Variants in NCAM1 observed in about 807,000 individuals in gnomAD.
The protein encoded by NCAM1 is antigen recognized by monoclonal antibody 5.1H11.
Under a neutral mutation model 109.8 loss-of-function variants are expected in NCAM1, and 14 were observed. That is an observed-to-expected ratio of 0.13 (90% CI 0.08 to 0.20). NCAM1 has a LOEUF of 0.20. NCAM1 is among the 10% of genes least tolerant of loss of function. The pLI is 1.00. For synonymous variants in NCAM1, 418 were observed against 442.9 expected, an observed-to-expected ratio of 0.94 and a Z score of 0.70; for missense variants, 774 against 1,109.9, an observed-to-expected ratio of 0.70 and a Z score of 4.30.
Position 113,260,176 on chromosome 11 carries a change from C to A in NCAM1, c.1984C>A (p.Leu662Ile). The change falls in exon 17 of 20, where the codon CTC (leucine) becomes ATC (isoleucine). Residue 662 changes from leucine (L) to isoleucine (I), a missense_variant. Leu to Ile is a conservative substitution (Grantham distance 5). Coordinates refer to ENST00000316851, the MANE Select transcript of NCAM1 (RefSeq NM_181351.5). ...CTCCGAGTGGAAACCAGAGATCAGGCTCCCGTCTGGCAGTGACCACGTCAT... is the reference window on the plus strand; with the variant it reads ...CTCCGAGTGGAAACCAGAGATCAGGATCCCGTCTGGCAGTGACCACGTCAT... ...LSSEWKPEIR[L>I]PSGSDHVMLK... The A allele has an allele frequency of 1.9e-6, 3 of 1,613,564 alleles. No individual in the cohort carries two copies. Among genetic ancestry groups the A allele is most frequent in the Non-Finnish European group, 2.5e-6 (3 of 1,179,770 alleles).
chr11:113,033,671 A>T (rs1187900649), intron 1 of NCAM1, among the ~76,000 whole-genome samples: 1 of 152,140 alleles, frequency 6.6e-6, no homozygotes, highest in Non-Finnish European at 1.5e-5. Context: ...TTAAAGGGAT[A>T]TGTTTTCCAG....
intron 1 of NCAM1, among the ~76,000 whole-genome samples, chr11:113,079,666 T>C (rs1555086814): frequency 6.6e-6 from 1 of 152,180 alleles, no homozygotes; most frequent in Non-Finnish European, 1.5e-5. Flanking sequence ...ATAAATCCAT[T>C]ATAGTTTTTA....
intron 16 of NCAM1, among the ~76,000 whole-genome samples, chr11:113,257,011 C>A (rs1945850777): frequency 6.6e-6 from 1 of 152,224 alleles, no homozygotes; most frequent in Non-Finnish European, 1.5e-5. Context: ...TCTGGCAAGT[C>A]AGTTCAGCAC....
chr11:113,043,958 C>G (rs12224032), intron 1 of NCAM1, among the ~76,000 whole-genome samples: 29,510 of 141,158 alleles, frequency 0.21, 3,144 homozygotes, highest in East Asian at 0.49. Flanking sequence ...TTTTTTTTTT[C>G]GATTACACAG....
Position 113,179,912 on chromosome 11 carries a change from A to G in NCAM1, c.53-22467A>G, listed in dbSNP as rs7119118. Among the ~76,000 whole-genome samples the G allele has an allele frequency of 2.1e-4, 32 of 152,338 alleles. No individual in the cohort carries two copies. The East Asian group carries it at 5.2e-3, about 25-fold the overall frequency. ...CAGTGGATGGGGAAGGATTCAACTCATTAATATTCTAGAGTCAAAGAATAT... is the reference window on the plus strand; with the variant it reads ...CAGTGGATGGGGAAGGATTCAACTCGTTAATATTCTAGAGTCAAAGAATAT... On this transcript the variant is annotated intron_variant, in intron 1 of 19. Coordinates refer to ENST00000316851, the MANE Select transcript of NCAM1 (RefSeq NM_181351.5).
chr11:113,100,387 G>C lies in NCAM1; in HGVS notation c.53-101992G>C, dbSNP rs1048912047. Reference sequence around the variant, plus strand: ...GCAGTTGCTGTCTGTGGATGGCTAAGTGTTAACCAGCTCAGTAGAGGGTCA... The same window carrying C: ...GCAGTTGCTGTCTGTGGATGGCTAACTGTTAACCAGCTCAGTAGAGGGTCA... On this transcript the variant is annotated intron_variant, in intron 1 of 19. Coordinates refer to ENST00000316851, the MANE Select transcript of NCAM1 (RefSeq NM_181351.5). Among the ~76,000 whole-genome samples the C allele has an allele frequency of 3.9e-5, 6 of 152,164 alleles. No individual in the cohort carries two copies. The South Asian group carries it at 6.2e-4, about 16-fold the overall frequency.
chr11:113,129,276 A>G (rs1591351917), intron 1 of NCAM1, among the ~76,000 whole-genome samples: 1 of 152,296 alleles, frequency 6.6e-6, no homozygotes, highest in East Asian at 1.9e-4. Flanking sequence ...ATCTCTCATT[A>G]GCTTGGTATC....
chr11:112,998,801 A>G (rs1951666976), intron 1 of NCAM1, among the ~76,000 whole-genome samples: 1 of 152,090 alleles, frequency 6.6e-6, no homozygotes, highest in African/African-American at 2.4e-5. Flanking sequence ...TCTCTTTTTT[A>G]CTTTCTCATC....
chr11:113,131,668 C>T (rs1451705292), intron 1 of NCAM1, among the ~76,000 whole-genome samples: 1 of 152,220 alleles, frequency 6.6e-6, no homozygotes, highest in Non-Finnish European at 1.5e-5. Context: ...GTGCTCCACA[C>T]AGTCATTCAG....
chr11:112,977,199 G>T (rs1466113722), intron 1 of NCAM1, among the ~76,000 whole-genome samples: 1 of 151,654 alleles, frequency 6.6e-6, no homozygotes, highest in East Asian at 1.9e-4. Context: ...GTTCTACAAA[G>T]ATATTATTTT....
intron 1 of NCAM1, among the ~76,000 whole-genome samples, chr11:112,979,941 A>T (rs938253545): frequency 1.3e-5 from 2 of 151,806 alleles, no homozygotes; most frequent in African/African-American, 2.4e-5. Context: ...TTAAATTCAG[A>T]AAACACACTT....
At position 113,242,769 on chromosome 11, in the gene NCAM1, C is replaced by G. The variant is rs140848687; in HGVS notation, c.1826-3599C>G. 7 of 1,589,702 alleles carry G rather than the reference C, an allele frequency of 4.4e-6. No individual in the cohort carries two copies. The African/African-American group carries it at 9.4e-5, about 21-fold the overall frequency. On this transcript the variant is annotated intron_variant, in intron 14 of 19. Transcript: ENST00000316851. The stretch of plus-strand genomic sequence containing the variant: ...AATTTATCTCCATTCTCTCCTTCAC[C>G]TTTCTTTGCCTTTTCTGTCTGTCGT...
rs944758548 is a variant in NCAM1, at chr11:113,082,616, T to C, written c.53-119763T>C. On this transcript the variant is annotated intron_variant, in intron 1 of 19. Coordinates refer to ENST00000316851, the MANE Select transcript of NCAM1 (RefSeq NM_181351.5). The stretch of plus-strand genomic sequence containing the variant: ...AGGAGTAGTTTTATATACAGCAGTT[T>C]TAATAAGCAATTCAATGAAACCTTT... Among the ~76,000 whole-genome samples, 82 of 152,350 alleles carry C rather than the reference T, an allele frequency of 5.4e-4. 1 individual carries two copies. The highest frequency in any genetic ancestry group is 5.8e-4 in the East Asian group (3 of 5,186).
chr11:113,118,453 G>A (rs1252217718), intron 1 of NCAM1, among the ~76,000 whole-genome samples: 1 of 151,960 alleles, frequency 6.6e-6, no homozygotes, highest in Non-Finnish European at 1.5e-5. Flanking sequence ...AGTTTCTGTG[G>A]CCTAAAAGCA....
intron 1 of NCAM1, among the ~76,000 whole-genome samples, chr11:113,032,380 G>A (rs1375078911): frequency 6.6e-6 from 1 of 152,094 alleles, no homozygotes; most frequent in Non-Finnish European, 1.5e-5. Flanking sequence ...ACTGCAGCAA[G>A]CCCTGCTCCA....
chr11:113,045,052 C>G (rs532540523), intron 1 of NCAM1, among the ~76,000 whole-genome samples: 19 of 152,324 alleles, frequency 1.2e-4, no homozygotes, highest in East Asian at 5.8e-4. Context: ...CTGCGCCCGG[C>G]CCTTCGCTTT....
chr11:112,968,634 A>G (rs1378343743), intron 1 of NCAM1, among the ~76,000 whole-genome samples: 1 of 152,192 alleles, frequency 6.6e-6, no homozygotes, highest in Non-Finnish European at 1.5e-5. Context: ...TTTCCAGTCT[A>G]GTAGTACAGA....
chr11:113,005,034 T>C (rs1555073086), intron 1 of NCAM1, among the ~76,000 whole-genome samples: 3 of 152,274 alleles, frequency 2.0e-5, no homozygotes, highest in Non-Finnish European at 4.4e-5. Context: ...AAGAGCTCTT[T>C]CTTGATGTTC....
rs1413798504 is a variant in NCAM1 at position 113,233,030 on chromosome 11, C to T, written c.1523-117C>T. ...TGAGATGGGCCAGGAGGACAGGATA[C>T]AGTGACAGGATTCCCAAGAGTGAGC... On this transcript the variant is annotated intron_variant, in intron 12 of 19. Transcript: ENST00000316851. The surrounding 1 kb of genome is among the most constrained non-coding windows in gnomAD (Gnocchi z 4.5). 7 of 1,119,934 alleles carry T rather than the reference C, an allele frequency of 6.3e-6. No individual in the cohort carries two copies. Among genetic ancestry groups the T allele is most frequent in the African/African-American group, 6.2e-5 (4 of 64,134 alleles). The allele number at this position is 1,119,934 out of a possible 1,614,324, so 69.4% of individuals were successfully genotyped here.
Sources: gnomAD v4.1 joint callset for allele counts (sites outside exome capture counted in the v4.1 genomes callset) on GRCh38, gnomAD v4.1.1 for gene constraint, Gnocchi (gnomAD v3.1) non-coding constraint, MANE v1.5 for transcripts, NCBI Gene and HGNC (gene_info 2026-07-23, HGNC 2026-07-21) for gene names.